Variants in NTM observed in about 807,000 individuals in gnomAD.
The protein encoded by NTM is neurotrimin, also known as IgLON family member 2.
A neutral mutation model predicts 42.1 loss-of-function variants in NTM; 13 were observed. The observed-to-expected ratio is 0.31, with a 90% CI of 0.20 to 0.49. The LOEUF is 0.49. Among genes scored for constraint, NTM ranks in the 20% least tolerant of loss-of-function variants. NTM has a pLI of 0.99. For synonymous variants in NTM, 187 were observed against 179.2 expected (o/e 1.04, Z -0.35); for missense variants, 373 against 452.8 (o/e 0.82, Z 1.60).
intron 1 of NTM, among the ~76,000 whole-genome samples, chr11:131,679,738 A>G (rs1273156866): frequency 6.6e-6 from 1 of 151,858 alleles, no homozygotes. Flanking sequence ...GAAATGTAAA[A>G]TCTTGGGTCT....
At chr11:131,761,380 C>G (rs907053375) in intron 1 of NTM, among the ~76,000 whole-genome samples, 2 of 152,136 alleles carry the variant, frequency 1.3e-5, no homozygotes, top group Non-Finnish European at 2.9e-5. Flanking sequence ...TCCCCCTCCC[C>G]AAATTCCTAT....
At chr11:131,964,695 C>T (rs2062611172) in intron 2 of NTM, among the ~76,000 whole-genome samples, 2 of 152,126 alleles carry the variant, frequency 1.3e-5, no homozygotes, top group African/African-American at 4.8e-5. Flanking sequence ...TAGATCTGGC[C>T]ATCATCGTCA....
At chr11:132,237,271 C>T (rs2089177830) in intron 4 of NTM, among the ~76,000 whole-genome samples, 1 of 152,174 alleles carries the variant, frequency 6.6e-6, no homozygotes, top group South Asian at 2.1e-4. Flanking sequence ...GCACTTGCTT[C>T]CTTTGGTCAA....
At chr11:131,632,364 G>A (rs1206989327) in intron 1 of NTM, among the ~76,000 whole-genome samples, 1 of 151,920 alleles carries the variant, frequency 6.6e-6, no homozygotes, top group Non-Finnish European at 1.5e-5. Context: ...TCCTAAAATG[G>A]TCCCCACTTA....
intron 7 of NTM, among the ~76,000 whole-genome samples, chr11:132,321,397 C>T (rs999202630): frequency 9.2e-5 from 14 of 151,688 alleles, no homozygotes; most frequent in East Asian, 1.9e-4. Context: ...CCTCAGGAGC[C>T]GATGTGATCA....
chr11:131,515,573 T>C (rs2048798910), intron 1 of NTM, among the ~76,000 whole-genome samples: 1 of 152,230 alleles, frequency 6.6e-6, no homozygotes, highest in South Asian at 2.1e-4. Flanking sequence ...GAGTTCTACA[T>C]GGGTTCAAGG....
chr11:132,216,781 C>A (rs957734228), intron 4 of NTM, among the ~76,000 whole-genome samples: 4 of 152,194 alleles, frequency 2.6e-5, no homozygotes, highest in African/African-American at 9.7e-5. Context: ...CATGCCTGTT[C>A]TCCCAGTTCA....
chr11:131,375,578 G>C (rs185493818), intron 1 of NTM, among the ~76,000 whole-genome samples: 131 of 152,272 alleles, frequency 8.6e-4, no homozygotes, highest in Non-Finnish European at 1.6e-3. Flanking sequence ...GCACTTGCAG[G>C]GAGCATGCCT....
intron 4 of NTM, among the ~76,000 whole-genome samples, chr11:132,228,391 C>A (rs924384366): frequency 2.0e-5 from 3 of 152,120 alleles, no homozygotes; most frequent in Non-Finnish European, 4.4e-5. Context: ...ACGTACCTGC[C>A]GCCATACCTT....
At chr11:131,395,905 TA>T (rs1944499906) in intron 1 of NTM, among the ~76,000 whole-genome samples, 1 of 152,168 alleles carries the variant, frequency 6.6e-6, no homozygotes, top group Admixed American at 6.5e-5. Context: ...TCTGGGCAAA[TA>T]AAGATATTTG....
At chr11:132,320,802 G>C (rs1220637850) in intron 7 of NTM, among the ~76,000 whole-genome samples, 5 of 151,546 alleles carry the variant, frequency 3.3e-5, no homozygotes, top group East Asian at 1.9e-4. Context: ...GAGAGCAGTG[G>C]TTCTCCCAGT....
chr11:132,135,117 G>C (rs1438660184), intron 2 of NTM, among the ~76,000 whole-genome samples: 1 of 152,078 alleles, frequency 6.6e-6, no homozygotes, highest in Non-Finnish European at 1.5e-5. Flanking sequence ...CCTCACCCCT[G>C]TGTCAGTGTC....
chr11:132,307,595 G>T, intron 4 of NTM, 94 bp from the exon 5 acceptor site: 1 of 1,535,664 alleles, frequency 6.5e-7, no homozygotes, highest in Non-Finnish European at 8.8e-7. Context: ...CAAATTATCT[G>T]CAGACATAAC....
At chr11:131,631,112 G>A (rs967970422) in intron 1 of NTM, among the ~76,000 whole-genome samples, 1 of 152,144 alleles carries the variant, frequency 6.6e-6, no homozygotes, top group East Asian at 1.9e-4. Context: ...TCAGAAATAC[G>A]TGGAATTCAG....
rs2082912115 is a variant in NTM, at chr11:132,211,915, G to A, written c.401-107G>A. ...TCTAATTTCTTATCGTTAACTTACT[G>A]TAGTCCATATATTTTACTCTCTGGA... On this transcript the variant is annotated intron_variant, in intron 3 of 8. Transcript: ENST00000683400. 5 of 973,408 alleles carry A rather than the reference G, an allele frequency of 5.1e-6. No homozygotes were observed. In the South Asian group the frequency reaches 1.1e-4, roughly 21 times the overall value. 60.3% of individuals were successfully genotyped at this position (973,408 alleles called of 1,614,324 possible).
intron 4 of NTM, among the ~76,000 whole-genome samples, chr11:132,259,920 TG>T: frequency 6.6e-6 from 1 of 152,044 alleles, no homozygotes; most frequent in Admixed American, 6.5e-5. Flanking sequence ...AGCTAATTTT[TG>T]TATTTTTTGT....
At chr11:132,269,296 T>C (rs2093367234) in intron 4 of NTM, among the ~76,000 whole-genome samples, 1 of 152,206 alleles carries the variant, frequency 6.6e-6, no homozygotes, top group Non-Finnish European at 1.5e-5. Context: ...ATTTTGTTTT[T>C]AAATAAGTTA....
intron 1 of NTM, chr11:131,794,819 A>G: frequency 3.0e-6 from 3 of 985,442 alleles, no homozygotes; most frequent in Non-Finnish European, 3.6e-6. Flanking sequence ...AGATTATGCT[A>G]CATTAAAGAA....
intron 2 of NTM, among the ~76,000 whole-genome samples, chr11:132,010,510 C>T (rs1014443766): frequency 1.3e-5 from 2 of 152,138 alleles, no homozygotes; most frequent in African/African-American, 4.8e-5. Context: ...GTGATTTGGT[C>T]ATGTCTCTCC....
Sources: allele counts gnomAD v4.1 joint callset (sites outside exome capture counted in the v4.1 genomes callset), GRCh38; gene constraint gnomAD v4.1.1; transcripts MANE v1.5; gene names NCBI Gene and HGNC (gene_info 2026-07-23, HGNC 2026-07-21).